Variants in KIAA1549L observed in about 807,000 individuals in gnomAD.
KIAA1549L encodes the protein UPF0606 protein KIAA1549L.
A neutral mutation model predicts 160.7 loss-of-function variants in KIAA1549L; 88 were observed. The ratio of observed to expected loss-of-function variants is 0.55; its 90% CI spans 0.46 to 0.65. KIAA1549L has a LOEUF of 0.65. Ranked by LOEUF, KIAA1549L falls within the 30% of genes least tolerant of loss-of-function variation. The pLI is 0.00. For synonymous variants in KIAA1549L, 950 were observed against 976.7 expected, an observed-to-expected ratio of 0.97 and a Z score of 0.51; for missense variants, 2,258 against 2,437.5, an observed-to-expected ratio of 0.93 and a Z score of 1.55.
At chr11:33,631,253 G>C (rs571107711) in intron 16 of KIAA1549L, among the ~76,000 whole-genome samples, 2 of 152,156 alleles carry the variant, frequency 1.3e-5, no homozygotes, top group African/African-American at 2.4e-5. Context: ...GCTCTGGCTG[G>C]CCCAGATGTG....
At chr11:33,390,711 C>G (rs1024678399) in intron 1 of KIAA1549L, among the ~76,000 whole-genome samples, 8 of 152,182 alleles carry the variant, frequency 5.3e-5, no homozygotes, top group African/African-American at 1.9e-4. Context: ...CATTTGTCTC[C>G]TCCTTCGTAG....
chr11:33,598,807 T>C lies in KIAA1549L; in HGVS notation c.4752-13T>C, dbSNP rs765257974. ...AAACTTACCGTCTCCCCTGTTGCTA[T>C]GGTTACCTCCAGCAGGTCGCCCAGT... On this transcript the variant is annotated splice_polypyrimidine_tract_variant and intron_variant, in intron 12 of 20. Coordinates refer to ENST00000658780, the MANE Select transcript of KIAA1549L (RefSeq NM_012194.3). 8 of 1,613,672 alleles carry C rather than the reference T, an allele frequency of 5.0e-6. No homozygotes were observed. The highest frequency in any genetic ancestry group is 6.8e-6 in the Non-Finnish European group (8 of 1,179,756).
At chr11:33,638,268 A>T (rs1035498271) in intron 16 of KIAA1549L, among the ~76,000 whole-genome samples, 1 of 152,072 alleles carries the variant, frequency 6.6e-6, no homozygotes, top group Admixed American at 6.5e-5. Context: ...GTCAATATTC[A>T]GCTCACCCAT....
intron 17 of KIAA1549L, among the ~76,000 whole-genome samples, chr11:33,651,298 A>G (rs982142868): frequency 2.0e-5 from 3 of 152,136 alleles, no homozygotes; most frequent in Non-Finnish European, 4.4e-5. Context: ...TTAGCCAGGC[A>G]TGGTGGTGGA....
intron 1 of KIAA1549L, among the ~76,000 whole-genome samples, chr11:33,425,232 C>T (rs1442181545): frequency 6.6e-6 from 1 of 152,104 alleles, no homozygotes; most frequent in Non-Finnish European, 1.5e-5. Flanking sequence ...AGAGAACTTA[C>T]CTTGTGTTTC....
chr11:33,661,650 C>T (rs1408464575), intron 20 of KIAA1549L, among the ~76,000 whole-genome samples: 5 of 152,250 alleles, frequency 3.3e-5, no homozygotes, highest in East Asian at 1.9e-4. Context: ...GAGGCTGAGG[C>T]GGGCAGGTCA....
intron 1 of KIAA1549L, among the ~76,000 whole-genome samples, chr11:33,470,034 AT>A (rs1005007879): frequency 3.3e-5 from 5 of 151,060 alleles, no homozygotes; most frequent in African/African-American, 7.3e-5. Context: ...CAATTTATCT[AT>A]TTTTTTTTCT....
At chr11:33,632,309 A>G (rs895780401) in intron 16 of KIAA1549L, among the ~76,000 whole-genome samples, 4 of 152,162 alleles carry the variant, frequency 2.6e-5, no homozygotes, top group Non-Finnish European at 5.9e-5. Context: ...GCAAGAGGGA[A>G]TTCTCTTTTC....
At chr11:33,544,639 G>A in intron 2 of KIAA1549L, 128 bp from the exon 3 acceptor site, 1 of 1,243,058 alleles carries the variant, frequency 8.0e-7, no homozygotes, top group Non-Finnish European at 1.1e-6. Context: ...CCTAAGTTCT[G>A]TCCACTGCAA....
chr11:33,580,003 T>C (rs536715252), intron 10 of KIAA1549L, among the ~76,000 whole-genome samples: 2 of 152,310 alleles, frequency 1.3e-5, no homozygotes, highest in African/African-American at 4.8e-5. Context: ...GGAGAGTTTC[T>C]GCATTCTGTG....
intron 15 of KIAA1549L, among the ~76,000 whole-genome samples, chr11:33,618,144 G>T (rs2133349140): frequency 6.6e-6 from 1 of 152,290 alleles, no homozygotes; most frequent in Middle Eastern, 3.4e-3. Flanking sequence ...AAGAGTAAAA[G>T]GAACAGGAGG....
In KIAA1549L at chr11:33,630,428, C is replaced by T. The variant is rs568063519; in HGVS notation, c.5409+11766C>T. Reference sequence around the variant, plus strand: ...CTCAGACTGCTGTGCTAGCAATCAGCGAGACTCCGTGGGCGTAGGCCCCTC... The same window carrying T: ...CTCAGACTGCTGTGCTAGCAATCAGTGAGACTCCGTGGGCGTAGGCCCCTC... On this transcript the variant is annotated intron_variant, in intron 16 of 20. Transcript: ENST00000658780. Among the ~76,000 whole-genome samples, 189 of 151,828 alleles carry T rather than the reference C, an allele frequency of 1.2e-3. 1 individual carries two copies. Among genetic ancestry groups the T allele is most frequent in the African/African-American group, 4.2e-3 (175 of 41,276 alleles).
At position 33,464,889 on chromosome 11, in the gene KIAA1549L, C is replaced by T. The variant is rs191775302; in HGVS notation, c.239-76913C>T. Among the ~76,000 whole-genome samples the T allele has an allele frequency of 2.9e-3, 437 of 152,000 alleles. 1 individual carries two copies. The highest frequency in any genetic ancestry group is 0.01 in the African/African-American group (422 of 41,458). On this transcript the variant is annotated intron_variant, in intron 1 of 20. Transcript: ENST00000658780. ...ATTTTTTTTAGCCCTGCATCTTCTC[C>T]GAACCCCAAGTCTGATCCAGCTAGA...
intron 12 of KIAA1549L, among the ~76,000 whole-genome samples, chr11:33,597,267 TC>T (rs1283168175): frequency 6.6e-6 from 1 of 152,226 alleles, no homozygotes; most frequent in African/African-American, 2.4e-5. Flanking sequence ...CACGGAATGT[TC>T]TTGGCAGATA....
chr11:33,611,490 A>G (rs1850648310), intron 15 of KIAA1549L, among the ~76,000 whole-genome samples: 1 of 152,302 alleles, frequency 6.6e-6, no homozygotes, highest in Admixed American at 6.5e-5. Flanking sequence ...TTAATTTACC[A>G]TGCTTCTAAT....
At chr11:33,509,344 T>C (rs1031925158) in intron 1 of KIAA1549L, among the ~76,000 whole-genome samples, 2 of 152,246 alleles carry the variant, frequency 1.3e-5, no homozygotes, top group Non-Finnish European at 2.9e-5. Flanking sequence ...TCCCTGCTTA[T>C]TCTCATTCCT....
At position 33,543,994 on chromosome 11, in the gene KIAA1549L, A is replaced by G; in HGVS notation, c.2431A>G (p.Arg811Gly). Residue 811 changes from arginine (R) to glycine (G), a missense_variant, in exon 2 of 21, where the codon AGA becomes GGA. Physicochemically the swap from Arg to Gly is moderately radical, Grantham distance 125 (BLOSUM62 -2). Transcript: ENST00000658780. ...GCCCACAAGCAATAACAACCATTCC[A>G]GAGACTTCCAAACAGCTGAAGTTGC... ...LWPTSNNNHS[R>G]DFQTAEVAYY... 1 of 1,614,022 alleles carries G rather than the reference A, an allele frequency of 6.2e-7. No homozygotes were observed.
chr11:33,605,636 A>G (rs1016283664), intron 13 of KIAA1549L, among the ~76,000 whole-genome samples: 1 of 152,216 alleles, frequency 6.6e-6, no homozygotes, highest in Non-Finnish European at 1.5e-5. Flanking sequence ...GATACAAACT[A>G]TGTGTTTCTC....
chr11:33,551,313 A>T, intron 5 of KIAA1549L, 54 bp downstream of exon 5: 2 of 1,441,850 alleles, frequency 1.4e-6, no homozygotes, highest in Non-Finnish European at 1.9e-6. Flanking sequence ...CAGGGCCAGT[A>T]CCAAGTGGAC....
Sources: gnomAD v4.1 joint callset for allele counts (sites outside exome capture counted in the v4.1 genomes callset) on GRCh38, gnomAD v4.1.1 for gene constraint, MANE v1.5 for transcripts, NCBI Gene and HGNC (gene_info 2026-07-23, HGNC 2026-07-21) for gene names.